The following PXN variants were observed in gnomAD, a reference collection of about 807,000 sequenced individuals.
PXN encodes the protein paxillin.
In PXN, 61 loss-of-function variants were observed where a neutral mutation model predicts 103.6. The observed-to-expected ratio is 0.59, with a 90% CI of 0.48 to 0.73. The LOEUF is 0.73. Ranked by LOEUF, PXN falls within the 30% of genes least tolerant of loss-of-function variation. The pLI, the probability that PXN is intolerant of heterozygous loss-of-function variation, is 0.00. For missense variants in PXN, 1,274 were observed against 1,460.3 expected (o/e 0.87, Z 2.08); for synonymous variants, 562 against 607.8 (o/e 0.92, Z 1.11).
intron 1 of PXN, among the ~76,000 whole-genome samples, chr12:120,227,312 G>A (rs1887078418): frequency 6.6e-6 from 1 of 152,152 alleles, no homozygotes. Flanking sequence ...ATCGGCTTGG[G>A]CAACACAGTG....
chr12:120,253,505 C>T (rs948043216), intron 1 of PXN, among the ~76,000 whole-genome samples: 1 of 152,096 alleles, frequency 6.6e-6, no homozygotes, highest in African/African-American at 2.4e-5. Flanking sequence ...AAAAAAGAGA[C>T]CGGGCTAGTT....
At chr12:120,257,334 A>G (rs1020761706) in intron 1 of PXN, among the ~76,000 whole-genome samples, 2 of 152,200 alleles carry the variant, frequency 1.3e-5, no homozygotes, top group Non-Finnish European at 2.9e-5. Context: ...GCTTCCTCCC[A>G]GCATCACCCC....
At chr12:120,259,435 T>G (rs1489165688) in intron 1 of PXN, among the ~76,000 whole-genome samples, 1 of 152,152 alleles carries the variant, frequency 6.6e-6, no homozygotes, top group African/African-American at 2.4e-5. Flanking sequence ...CAAGACATCA[T>G]GACACTTCAC....
At chr12:120,236,529 G>A (rs1007108729) in intron 1 of PXN, among the ~76,000 whole-genome samples, 2 of 147,718 alleles carry the variant, frequency 1.4e-5, no homozygotes, top group African/African-American at 2.5e-5. Flanking sequence ...CCAGGCTGGC[G>A]TACAGTGGCG....
chr12:120,212,292 G>C lies in PXN; in HGVS notation c.*22C>G, dbSNP rs769212427. 3.1e-6 allele frequency: 5 copies of C among 1,604,348 alleles called. No homozygotes were observed. In the East Asian group the frequency reaches 1.1e-4, roughly 36 times the overall value. On this transcript the variant is annotated 3_prime_UTR_variant, in exon 15 of 15. Coordinates refer to ENST00000637617, the MANE Select transcript of PXN (RefSeq NM_001385981.1). This position sits in a 1 kb window ranked among gnomAD's most constrained non-coding sequence, Gnocchi z 7.2. ...TTGGGGATGCTGGCTGGGGAAGGGG[G>C]GCAGAGACAGGGGCAGGGCACCTAG...
At chr12:120,223,374 C>T (rs1458284874) in intron 3 of PXN, among the ~76,000 whole-genome samples, 1 of 151,644 alleles carries the variant, frequency 6.6e-6, no homozygotes, top group East Asian at 2.0e-4. Flanking sequence ...GCGGAGCTTG[C>T]AGTGAGCCGA....
chr12:120,252,672 AAT>A (rs1444497084), intron 1 of PXN, among the ~76,000 whole-genome samples: 1 of 152,166 alleles, frequency 6.6e-6, no homozygotes, highest in Non-Finnish European at 1.5e-5. Context: ...GCCAAGTAGG[AAT>A]ATGTGTGAGG....
intron 1 of PXN, among the ~76,000 whole-genome samples, chr12:120,243,674 C>A (rs1890543137): frequency 6.6e-6 from 1 of 152,204 alleles, no homozygotes; most frequent in African/African-American, 2.4e-5. Context: ...GCCTGGGCAA[C>A]AGAGAAATCC....
At chr12:120,223,477 G>A (rs537520900) in intron 3 of PXN, among the ~76,000 whole-genome samples, 11 of 152,180 alleles carry the variant, frequency 7.2e-5, no homozygotes, top group South Asian at 4.1e-4. Flanking sequence ...GAGGAATGAA[G>A]TCTTGCTTCA....
Position 120,228,744 on chromosome 12 carries a change from G to C in PXN, c.14-4367C>G, listed in dbSNP as rs1472373937. Among the ~76,000 whole-genome samples the C allele has an allele frequency of 1.3e-5, 2 of 152,206 alleles. No individual in the cohort carries two copies. Among genetic ancestry groups the C allele is most frequent in the African/African-American group, 4.8e-5 (2 of 41,446 alleles). On this transcript the variant is annotated intron_variant, in intron 1 of 14. Coordinates refer to ENST00000637617, the MANE Select transcript of PXN (RefSeq NM_001385981.1). This position sits in a 1 kb window ranked among gnomAD's most constrained non-coding sequence, Gnocchi z 4.7. ...CCCAAGGGTGACATGCAGGGCTCTGGAGAACCAGAGGGGTGCACGCCCTCG... is the reference window on the plus strand; with the variant it reads ...CCCAAGGGTGACATGCAGGGCTCTGCAGAACCAGAGGGGTGCACGCCCTCG...
chr12:120,256,392 G>T (rs951057103), intron 1 of PXN, among the ~76,000 whole-genome samples: 3 of 152,066 alleles, frequency 2.0e-5, no homozygotes, highest in African/African-American at 7.2e-5. Context: ...AAGAGAACAA[G>T]ACCCTGTGAG....
At position 120,220,144 on chromosome 12, in the gene PXN, G is replaced by A; in HGVS notation, c.832-53C>T. On this transcript the variant is annotated intron_variant, in intron 6 of 14. Coordinates refer to ENST00000637617, the MANE Select transcript of PXN (RefSeq NM_001385981.1). The surrounding 1 kb of genome is among the most constrained non-coding windows in gnomAD (Gnocchi z 6.1). ...GAGGAGAGAGAGAGATGAGGGGAGTGAGGACGGCTGCACCTTGCAGGCGGT... is the reference window on the plus strand; with the variant it reads ...GAGGAGAGAGAGAGATGAGGGGAGTAAGGACGGCTGCACCTTGCAGGCGGT... 2.7e-6 allele frequency: 2 copies of A among 731,318 alleles called. No individual in the cohort carries two copies. The highest frequency in any genetic ancestry group is 4.0e-5 in the South Asian group (2 of 49,846). The allele number at this position is 731,318 out of a possible 1,614,324, so 45.3% of individuals were successfully genotyped here.
Position 120,221,443 on chromosome 12 carries a change from C to T in PXN, c.831+180G>A, listed in dbSNP as rs1017121571. On this transcript the variant is annotated intron_variant, in intron 6 of 14. Coordinates refer to ENST00000637617, the MANE Select transcript of PXN (RefSeq NM_001385981.1). The surrounding 1 kb of genome is among the most constrained non-coding windows in gnomAD (Gnocchi z 6.6). ...ACTGCAATCCTCAGGCAGGCTGACC[C>T]GGCCCTCCCTCCCCATCTCCTGGCA... Among the ~76,000 whole-genome samples, 1 of 152,142 alleles carries T rather than the reference C, an allele frequency of 6.6e-6. No homozygotes were observed. The highest frequency in any genetic ancestry group is 2.4e-5 in the African/African-American group (1 of 41,414).
chr12:120,254,731 A>C (rs1892737197), intron 1 of PXN, among the ~76,000 whole-genome samples: 1 of 152,028 alleles, frequency 6.6e-6, no homozygotes, highest in Non-Finnish European at 1.5e-5. Flanking sequence ...TTGTAATTTT[A>C]GTAGAGACGG....
Position 120,226,290 on chromosome 12 carries a change from A to G in PXN, c.14-1913T>C. The G allele has an allele frequency of 2.3e-6, 3 of 1,289,118 alleles. No homozygotes were observed. In the South Asian group the frequency reaches 3.7e-5, roughly 16 times the overall value. The allele number at this position is 1,289,118 out of a possible 1,614,324, so 79.9% of individuals were successfully genotyped here. On this transcript the variant is annotated intron_variant, in intron 1 of 14. Transcript: ENST00000637617. The stretch of plus-strand genomic sequence containing the variant: ...CCCAGAGCAGGCAACGAATGAGTGC[A>G]ACCCCAGTAGGGGGCAGGAGCAGCT...
In PXN at chr12:120,221,830, C is replaced by T. The variant is rs1219722509; in HGVS notation, c.696-72G>A. On this transcript the variant is annotated intron_variant, in intron 5 of 14. Coordinates refer to ENST00000637617, the MANE Select transcript of PXN (RefSeq NM_001385981.1). The surrounding 1 kb of genome is among the most constrained non-coding windows in gnomAD (Gnocchi z 6.6). ...CACTTCCCGGGGATCAGATCGACCT[C>T]TCACCTCGGACACTGGGGTCTCACC... is the stretch of plus-strand genomic sequence containing the variant. The T allele has an allele frequency of 7.4e-6, 11 of 1,486,460 alleles. No individual in the cohort carries two copies. Among genetic ancestry groups the T allele is most frequent in the Non-Finnish European group, 9.0e-6 (10 of 1,114,648 alleles). 92.1% of individuals were successfully genotyped at this position (1,486,460 alleles called of 1,614,324 possible).
rs1881285467 is a variant in PXN, at chr12:120,213,700, G to A, written c.2979+142C>T. On this transcript the variant is annotated intron_variant, in intron 14 of 14. Transcript: ENST00000637617. The surrounding 1 kb of genome is among the most constrained non-coding windows in gnomAD (Gnocchi z 4.2). ...CTGGCCCAGGACCTACTGGACTGGAGGAAGGAGATCCCCTGCCTGCTCCCC... is the reference window on the plus strand; with the variant it reads ...CTGGCCCAGGACCTACTGGACTGGAAGAAGGAGATCCCCTGCCTGCTCCCC... The A allele has an allele frequency of 2.5e-6, 3 of 1,218,498 alleles. No individual in the cohort carries two copies. Among genetic ancestry groups the A allele is most frequent in the East Asian group, 2.6e-5 (1 of 39,178 alleles). 75.5% of individuals were successfully genotyped at this position (1,218,498 alleles called of 1,614,324 possible). A position where few individuals can be genotyped will look rare whatever the true frequency, so the allele number is the denominator to read the frequency against.
At chr12:120,259,658 T>G (rs1893557666) in intron 1 of PXN, among the ~76,000 whole-genome samples, 1 of 152,146 alleles carries the variant, frequency 6.6e-6, no homozygotes, top group Admixed American at 6.6e-5. Flanking sequence ...CACCACTGGT[T>G]AGGCAATCGG....
At chr12:120,256,840 C>A (rs372197829) in intron 1 of PXN, among the ~76,000 whole-genome samples, 27 of 152,276 alleles carry the variant, frequency 1.8e-4, no homozygotes, top group African/African-American at 6.3e-4. Context: ...GCCTCAGCCT[C>A]CCGAGTAGCT....
Sources: gnomAD v4.1 joint callset for allele counts (sites outside exome capture counted in the v4.1 genomes callset) on GRCh38, gnomAD v4.1.1 for gene constraint, Gnocchi (gnomAD v3.1) non-coding constraint, MANE v1.5 for transcripts, NCBI Gene and HGNC (gene_info 2026-07-23, HGNC 2026-07-21) for gene names.